EIF5AL1: variants seen among roughly 807,000 people sequenced by gnomAD.
EIF5AL1 encodes eukaryotic translation initiation factor 5A-1-like.
Under a neutral mutation model 9.0 loss-of-function variants are expected in EIF5AL1, and 4 were observed. The ratio of observed to expected loss-of-function variants is 0.45; its 90% CI spans 0.22 to 1.02. The LOEUF (loss-of-function observed/expected upper bound fraction) is 1.02, where lower values mean the gene tolerates loss of function less well. Ranked by LOEUF, EIF5AL1 falls within the 50% of genes least tolerant of loss-of-function variation. The pLI is 0.24. For synonymous variants in EIF5AL1, 40 were observed against 75.7 expected, an observed-to-expected ratio of 0.53 and a Z score of 2.45; for missense variants, 58 against 194.1, an observed-to-expected ratio of 0.30 and a Z score of 4.17.
chr10:79,515,979 A>T lies in EIF5AL1; in HGVS notation c.*2865A>T, dbSNP rs1228598363. 6.0e-6 allele frequency: 1 copy of T among 167,146 alleles called. No homozygotes were observed. Among genetic ancestry groups the T allele is most frequent in the Non-Finnish European group, 1.5e-5 (1 of 68,132 alleles). 10.4% of individuals were successfully genotyped at this position (167,146 alleles called of 1,614,324 possible). On this transcript the variant is annotated 3_prime_UTR_variant, in exon 1 of 1. Transcript: ENST00000520547. ...TCTAAAAAGATGAAAGAGCAACCGC[A>T]TGCGCCCTACAGCTACCGCTAGATT...
At position 79,513,526 on chromosome 10, in the gene EIF5AL1, T is replaced by C. The variant is rs1858183295; in HGVS notation, c.*412T>C. ...TGGTCCCCTGTTGCCCATAGCCCTT[T>C]ACCCTGAGCACCACCCAACAGACTG... On this transcript the variant is annotated 3_prime_UTR_variant, in exon 1 of 1. Transcript: ENST00000520547. 2 of 243,052 alleles carry C rather than the reference T, an allele frequency of 8.2e-6. No homozygotes were observed. Among genetic ancestry groups the C allele is most frequent in the Middle Eastern group, 1.7e-3 (1 of 604 alleles). The allele number at this position is 243,052 out of a possible 1,614,324, so 15.1% of individuals were successfully genotyped here.
rs1554847438 is a variant in EIF5AL1 at position 79,513,763 on chromosome 10, A to AG, written c.*649_*650insG. On this transcript the variant is annotated 3_prime_UTR_variant, in exon 1 of 1. Transcript: ENST00000520547. ...ACAAGTTTAATATGAAAAAAAAAAA[A>AG]AAAGAAAGAAAGACGTGTAAAATGC... The AG allele has an allele frequency of 2.5e-5, 4 of 160,928 alleles. No homozygotes were observed. Among genetic ancestry groups the AG allele is most frequent in the Middle Eastern group, 3.3e-3 (1 of 304 alleles). 10.0% of individuals were successfully genotyped at this position (160,928 alleles called of 1,614,324 possible).
Position 79,513,248 on chromosome 10 carries a change from G to A in EIF5AL1, c.*134G>A. ...CACAATTTATTTGACGTTTTATTTT[G>A]GTTTTCCCCACCCCCTCAATCTGTC... is the stretch of plus-strand genomic sequence containing the variant. On this transcript the variant is annotated 3_prime_UTR_variant, in exon 1 of 1. Transcript: ENST00000520547. The A allele has an allele frequency of 5.3e-6, 6 of 1,136,228 alleles. No homozygotes were observed. The highest frequency in any genetic ancestry group is 7.7e-6 in the Non-Finnish European group (6 of 780,762). 70.4% of individuals were successfully genotyped at this position (1,136,228 alleles called of 1,614,324 possible).
In EIF5AL1 at chr10:79,513,318, C is replaced by T. The variant is rs1162133523; in HGVS notation, c.*204C>T. On this transcript the variant is annotated 3_prime_UTR_variant, in exon 1 of 1. Coordinates refer to ENST00000520547, the MANE Select transcript of EIF5AL1 (RefSeq NM_001099692.2). The stretch of plus-strand genomic sequence containing the variant: ...CCTAGCTCCCTTGGCCAGGAGCGAG[C>T]GAAGCCATGGCCTTGGTGAAGCTGC... 16 of 669,928 alleles carry T rather than the reference C, an allele frequency of 2.4e-5. No homozygotes were observed. Among genetic ancestry groups the T allele is most frequent in the South Asian group, 3.9e-5 (2 of 51,764 alleles). The allele number at this position is 669,928 out of a possible 1,614,324, so 41.5% of individuals were successfully genotyped here.
At position 79,512,577 on chromosome 10, in the gene EIF5AL1, C is replaced by A. The variant is rs574588416; in HGVS notation, c.-73C>A. On this transcript the variant is annotated 5_prime_UTR_variant, in exon 1 of 1. Coordinates refer to ENST00000520547, the MANE Select transcript of EIF5AL1 (RefSeq NM_001099692.2). ...GCGGCGGCGGCGGGCTCGGAGGCAG[C>A]GGTTGGGCTCGCGGCGAGCGGACGG... 5.9e-5 allele frequency: 65 copies of A among 1,094,710 alleles called. No individual in the cohort carries two copies. The Middle Eastern group carries it at 8.6e-4, about 14-fold the overall frequency. 67.8% of individuals were successfully genotyped at this position (1,094,710 alleles called of 1,614,324 possible).
rs1858165188 is a variant in EIF5AL1, at chr10:79,512,660, ATTTG to A, written c.12_15del (p.Asp4GlufsTer87). 1 of 1,210,556 alleles carries A rather than the reference ATTTG, an allele frequency of 8.3e-7. No homozygotes were observed. The highest frequency in any genetic ancestry group is 1.2e-6 in the Non-Finnish European group (1 of 849,398). 75.0% of individuals were successfully genotyped at this position (1,210,556 alleles called of 1,614,324 possible). On this transcript the variant is annotated frameshift_variant, in exon 1 of 1. Transcript: ENST00000520547. LOFTEE classifies it high-confidence loss of function. ...TCGAAGCCTCTTAAAATGGCAGATGATTTGGACTTCGAGACAGGAGATGCAGGGG... is the reference window on the plus strand; with the variant it reads ...TCGAAGCCTCTTAAAATGGCAGATGAGACTTCGAGACAGGAGATGCAGGGG...
Position 79,513,236 on chromosome 10 carries a change from A to G in EIF5AL1, c.*122A>G. ...GGACTCCTCCTACACAATTTATTTG[A>G]CGTTTTATTTTGGTTTTCCCCACCC... On this transcript the variant is annotated 3_prime_UTR_variant, in exon 1 of 1. Coordinates refer to ENST00000520547, the MANE Select transcript of EIF5AL1 (RefSeq NM_001099692.2). 1 of 1,336,578 alleles carries G rather than the reference A, an allele frequency of 7.5e-7. No homozygotes were observed. The highest frequency in any genetic ancestry group is 1.1e-6 in the Non-Finnish European group (1 of 950,214). 82.8% of individuals were successfully genotyped at this position (1,336,578 alleles called of 1,614,324 possible).
In EIF5AL1 at chr10:79,516,108, A is replaced by C. The variant is rs1354138662; in HGVS notation, c.*2994A>C. 1.2e-5 allele frequency: 2 copies of C among 167,160 alleles called. No individual in the cohort carries two copies. Among genetic ancestry groups the C allele is most frequent in the Non-Finnish European group, 1.5e-5 (1 of 68,142 alleles). 10.4% of individuals were successfully genotyped at this position (167,160 alleles called of 1,614,324 possible). Reference sequence around the variant, plus strand: ...CATGAGGCATGAACATTTCATGGCAATCACGATGTCCTGGTTTGTGAGATA... The same window carrying C: ...CATGAGGCATGAACATTTCATGGCACTCACGATGTCCTGGTTTGTGAGATA... On this transcript the variant is annotated 3_prime_UTR_variant, in exon 1 of 1. Coordinates refer to ENST00000520547, the MANE Select transcript of EIF5AL1 (RefSeq NM_001099692.2).
Position 79,513,201 on chromosome 10 carries a change from G to A in EIF5AL1, c.*87G>A. On this transcript the variant is annotated 3_prime_UTR_variant, in exon 1 of 1. Coordinates refer to ENST00000520547, the MANE Select transcript of EIF5AL1 (RefSeq NM_001099692.2). Reference sequence around the variant, plus strand: ...CCCAGCCTGGCCTGGCTCTGGCCTGGTCCTAGGTTGGACTCCTCCTACACA... The same window carrying A: ...CCCAGCCTGGCCTGGCTCTGGCCTGATCCTAGGTTGGACTCCTCCTACACA... The A allele has an allele frequency of 1.3e-6, 2 of 1,555,210 alleles. No homozygotes were observed. Among genetic ancestry groups the A allele is most frequent in the African/African-American group, 1.4e-5 (1 of 73,652 alleles).
rs1250867562 is a variant in EIF5AL1, at chr10:79,513,769, A to G, written c.*655A>G. 1 of 165,788 alleles carries G rather than the reference A, an allele frequency of 6.0e-6. No homozygotes were observed. The highest frequency in any genetic ancestry group is 2.4e-5 in the African/African-American group (1 of 41,266). The allele number at this position is 165,788 out of a possible 1,614,324, so 10.3% of individuals were successfully genotyped here. A position where few individuals can be genotyped will look rare whatever the true frequency, so the allele number is the denominator to read the frequency against. Reference sequence around the variant, plus strand: ...TTAATATGAAAAAAAAAAAAAAAGAAAGAAAGACGTGTAAAATGCCAAGAA... The same window carrying G: ...TTAATATGAAAAAAAAAAAAAAAGAGAGAAAGACGTGTAAAATGCCAAGAA... On this transcript the variant is annotated 3_prime_UTR_variant, in exon 1 of 1. Transcript: ENST00000520547.
chr10:79,513,215 T>G lies in EIF5AL1; in HGVS notation c.*101T>G, dbSNP rs1179116137. 3 of 1,471,734 alleles carry G rather than the reference T, an allele frequency of 2.0e-6. No individual in the cohort carries two copies. Among genetic ancestry groups the G allele is most frequent in the Non-Finnish European group, 2.8e-6 (3 of 1,055,346 alleles). The allele number at this position is 1,471,734 out of a possible 1,614,324, so 91.2% of individuals were successfully genotyped here. ...GCTCTGGCCTGGTCCTAGGTTGGACTCCTCCTACACAATTTATTTGACGTT... is the reference window on the plus strand; with the variant it reads ...GCTCTGGCCTGGTCCTAGGTTGGACGCCTCCTACACAATTTATTTGACGTT... On this transcript the variant is annotated 3_prime_UTR_variant, in exon 1 of 1. Transcript: ENST00000520547.
At position 79,515,918 on chromosome 10, in the gene EIF5AL1, A is replaced by G. The variant is rs1017244275; in HGVS notation, c.*2804A>G. 9 of 167,094 alleles carry G rather than the reference A, an allele frequency of 5.4e-5. No homozygotes were observed. Among genetic ancestry groups the G allele is most frequent in the Non-Finnish European group, 1.2e-4 (8 of 68,118 alleles). The allele number at this position is 167,094 out of a possible 1,614,324, so 10.4% of individuals were successfully genotyped here. ...TACGATAGAAAAAAAAACCCAAAAA[A>G]ACATGTACTAGGATTTCAATAGAAG... On this transcript the variant is annotated 3_prime_UTR_variant, in exon 1 of 1. Coordinates refer to ENST00000520547, the MANE Select transcript of EIF5AL1 (RefSeq NM_001099692.2).
rs1318252179 is a variant in EIF5AL1 at position 79,515,928 on chromosome 10, A to G, written c.*2814A>G. 2 of 167,102 alleles carry G rather than the reference A, an allele frequency of 1.2e-5. No individual in the cohort carries two copies. Among genetic ancestry groups the G allele is most frequent in the African/African-American group, 2.4e-5 (1 of 41,452 alleles). 10.4% of individuals were successfully genotyped at this position (167,102 alleles called of 1,614,324 possible). A position where few individuals can be genotyped will look rare whatever the true frequency, so the allele number is the denominator to read the frequency against. On this transcript the variant is annotated 3_prime_UTR_variant, in exon 1 of 1. Transcript: ENST00000520547. Reference sequence around the variant, plus strand: ...AAAAAAACCCAAAAAAACATGTACTAGGATTTCAATAGAAGCAATGGGTGA... The same window carrying G: ...AAAAAAACCCAAAAAAACATGTACTGGGATTTCAATAGAAGCAATGGGTGA...
Position 79,513,377 on chromosome 10 carries a change from G to T in EIF5AL1, c.*263G>T, listed in dbSNP as rs554622164. The T allele has an allele frequency of 8.7e-6, 5 of 571,526 alleles. No individual in the cohort carries two copies. Among genetic ancestry groups the T allele is most frequent in the African/African-American group, 1.9e-5 (1 of 53,170 alleles). The allele number at this position is 571,526 out of a possible 1,614,324, so 35.4% of individuals were successfully genotyped here. On this transcript the variant is annotated 3_prime_UTR_variant, in exon 1 of 1. Coordinates refer to ENST00000520547, the MANE Select transcript of EIF5AL1 (RefSeq NM_001099692.2). ...TCTCCCCTCACACTACAGCCCTGGT[G>T]GGGGAGAAGGGGGTGGGTGCTGCTT...
chr10:79,512,997 G>A lies in EIF5AL1; in HGVS notation c.348G>A (p.Glu116=), dbSNP rs1589215646. ...TACCAGAGGACCTTCGTCTCCCTGA[G>A]GGAGACCTTGGCAAGGAGATTGAGC... ...GEVPEDLRLP[E]GDLGKEIEQK... Residue 116 remains glutamate (E), a synonymous_variant, in exon 1 of 1, where the codon GAG becomes GAA. Transcript: ENST00000520547. 1.2e-6 allele frequency: 2 copies of A among 1,612,188 alleles called. No homozygotes were observed. Among genetic ancestry groups the A allele is most frequent in the Non-Finnish European group, 1.7e-6 (2 of 1,178,612 alleles).
At position 79,512,795 on chromosome 10, in the gene EIF5AL1, G is replaced by T; in HGVS notation, c.146G>T (p.Gly49Val). The T allele has an allele frequency of 6.2e-7, 1 of 1,609,422 alleles. No homozygotes were observed. Among genetic ancestry groups the T allele is most frequent in the South Asian group, 1.1e-5 (1 of 90,706 alleles). ...KIVEMSASKT[G>V]KHGHAKVHLV... Reference sequence around the variant, plus strand: ...GTGGAGATGTCTGCTTCGAAGACTGGCAAGCACGGCCACGCCAAGGTCCAT... The same window carrying T: ...GTGGAGATGTCTGCTTCGAAGACTGTCAAGCACGGCCACGCCAAGGTCCAT... The change falls in exon 1 of 1, where the codon GGC (glycine) becomes GTC (valine). Residue 49 changes from glycine to valine, a missense_variant. This residue lies in a region of EIF5AL1 where 10 missense variants were observed against 89.7 expected (regional missense o/e 0.11). Coordinates refer to ENST00000520547, the MANE Select transcript of EIF5AL1 (RefSeq NM_001099692.2).
rs375383701 is a variant in EIF5AL1 at position 79,513,137 on chromosome 10, T to C, written c.*23T>C. The C allele has an allele frequency of 2.9e-3, 4,631 of 1,597,580 alleles. 141 individuals are homozygous for C. In the Admixed American group the frequency reaches 0.062, roughly 21 times the overall value. ...TAACTGGCTCCCAAGGTGGCAGTGG[T>C]GGCAGCAGTGATCCTCCGAACCTGC... On this transcript the variant is annotated 3_prime_UTR_variant, in exon 1 of 1. Transcript: ENST00000520547.
chr10:79,514,980 C>T lies in EIF5AL1; in HGVS notation c.*1866C>T, dbSNP rs562934146. The T allele has an allele frequency of 6.2e-5, 12 of 192,684 alleles. No homozygotes were observed. In the East Asian group the frequency reaches 1.8e-3, roughly 29 times the overall value. The allele number at this position is 192,684 out of a possible 1,614,324, so 11.9% of individuals were successfully genotyped here. A position where few individuals can be genotyped will look rare whatever the true frequency, so the allele number is the denominator to read the frequency against. ...TGTCAGTGAACATCTTACTCTTCCT[C>T]GGCAGTCTTTCTTTGCCCAGAGATT... On this transcript the variant is annotated 3_prime_UTR_variant, in exon 1 of 1. Transcript: ENST00000520547.
chr10:79,513,758 A>C lies in EIF5AL1; in HGVS notation c.*644A>C, dbSNP rs1479397060. ...AAACTACAAGTTTAATATGAAAAAA[A>C]AAAAAAAAGAAAGAAAGACGTGTAA... is the stretch of plus-strand genomic sequence containing the variant. On this transcript the variant is annotated 3_prime_UTR_variant, in exon 1 of 1. Coordinates refer to ENST00000520547, the MANE Select transcript of EIF5AL1 (RefSeq NM_001099692.2). 1 of 165,490 alleles carries C rather than the reference A, an allele frequency of 6.0e-6. No individual in the cohort carries two copies. The highest frequency in any genetic ancestry group is 1.5e-5 in the Non-Finnish European group (1 of 68,050). The allele number at this position is 165,490 out of a possible 1,614,324, so 10.3% of individuals were successfully genotyped here. A position where few individuals can be genotyped will look rare whatever the true frequency, so the allele number is the denominator to read the frequency against.
Sources: gnomAD v4.1 joint callset for allele counts on GRCh38, gnomAD v4.1.1 for gene constraint, gnomAD v4.1.1 regional missense constraint, MANE v1.5 for transcripts, NCBI Gene and HGNC (gene_info 2026-07-23, HGNC 2026-07-21) for gene names.